ASIC2: variants seen among roughly 807,000 people sequenced by gnomAD.
ASIC2 encodes the protein acid sensing ion channel subunit 2.
ASIC2 carries 25 observed loss-of-function variants against 57.3 expected under a neutral mutation model. That is an observed-to-expected ratio of 0.44 (90% CI 0.32 to 0.61). ASIC2 has a LOEUF of 0.61. Ranked by LOEUF, ASIC2 falls within the 20% of genes least tolerant of loss-of-function variation. ASIC2 has a pLI of 0.06. For missense variants in ASIC2, 641 were observed against 738.1 expected (o/e 0.87, Z 1.52); for synonymous variants, 319 against 307.5 (o/e 1.04, Z -0.39).
At chr17:34,071,529 G>A (rs186753904) in intron 1 of ASIC2, 1 of 152,042 alleles carries the variant, frequency 6.6e-6, no homozygotes, top group Non-Finnish European at 1.5e-5. Flanking sequence ...AGGAAGAAAC[G>A]AATAGAAAAT....
chr17:34,010,722 C>T (rs1442800445), intron 1 of ASIC2, among the ~76,000 whole-genome samples: 2 of 151,398 alleles, frequency 1.3e-5, no homozygotes, highest in Non-Finnish European at 2.9e-5. Flanking sequence ...CACACACAGA[C>T]ATGTACAGAG....
At chr17:33,473,500 C>T (rs1305152574) in intron 1 of ASIC2, among the ~76,000 whole-genome samples, 2 of 152,004 alleles carry the variant, frequency 1.3e-5, no homozygotes, top group South Asian at 2.1e-4. Flanking sequence ...ATGCATCAAG[C>T]AGGAATGAGT....
In ASIC2 at chr17:34,142,671, T is replaced by G. The variant is rs1912304223; in HGVS notation, c.555+13307A>C. Among the ~76,000 whole-genome samples, 3 of 152,228 alleles carry G rather than the reference T, an allele frequency of 2.0e-5. No individual in the cohort carries two copies. In the East Asian group the frequency reaches 5.8e-4, roughly 29 times the overall value. On this transcript the variant is annotated intron_variant, in intron 1 of 9. Coordinates refer to the ASIC2 transcript ENST00000359872. The stretch of plus-strand genomic sequence containing the variant: ...TTTGTCAATTACAGCAAACTTGGGC[T>G]GGACATTCAAAATCAAGTCACTGAT...
At chr17:33,262,911 C>T (rs575388390) in intron 1 of ASIC2, among the ~76,000 whole-genome samples, 11 of 152,214 alleles carry the variant, frequency 7.2e-5, no homozygotes, top group Non-Finnish European at 1.2e-4. Context: ...TTAAGGCTGC[C>T]GTGGAATGAG....
At chr17:34,064,038 T>C (rs1023454770) in intron 1 of ASIC2, among the ~76,000 whole-genome samples, 5 of 152,150 alleles carry the variant, frequency 3.3e-5, no homozygotes, top group African/African-American at 1.2e-4. Flanking sequence ...CTAAAATTCA[T>C]ATAGAACCAA....
chr17:33,144,037 C>A (rs1416581243), intron 1 of ASIC2, among the ~76,000 whole-genome samples: 2 of 152,084 alleles, frequency 1.3e-5, no homozygotes, highest in Admixed American at 1.3e-4. Context: ...AACCAACTCC[C>A]CCTGGGCAAT....
intron 1 of ASIC2, among the ~76,000 whole-genome samples, chr17:33,437,356 A>G (rs568178303): frequency 2.0e-5 from 3 of 152,374 alleles, no homozygotes; most frequent in Admixed American, 6.5e-5. Context: ...TGATAAAACT[A>G]TAAAGAAAAC....
chr17:33,622,628 T>G (rs1178384935), intron 1 of ASIC2, among the ~76,000 whole-genome samples: 1 of 152,202 alleles, frequency 6.6e-6, no homozygotes, highest in Non-Finnish European at 1.5e-5. Flanking sequence ...CTAGGTACAT[T>G]ACTTGTTTAA....
At chr17:34,110,712 G>T (rs1911239821) in intron 1 of ASIC2, among the ~76,000 whole-genome samples, 4 of 152,234 alleles carry the variant, frequency 2.6e-5, no homozygotes. Context: ...AGGTCAGATA[G>T]TGTTTCCTGT....
chr17:34,092,609 A>C (rs563914317), intron 1 of ASIC2, among the ~76,000 whole-genome samples: 2 of 152,320 alleles, frequency 1.3e-5, no homozygotes, highest in East Asian at 3.9e-4. Flanking sequence ...TTCTAGAGGC[A>C]GTAAAGGGAG....
intron 1 of ASIC2, among the ~76,000 whole-genome samples, chr17:33,861,055 C>T (rs927362757): frequency 6.6e-6 from 1 of 152,070 alleles, no homozygotes; most frequent in Non-Finnish European, 1.5e-5. Context: ...GAAAACTATT[C>T]TTTTTTAACA....
intron 1 of ASIC2, among the ~76,000 whole-genome samples, chr17:33,758,612 G>A (rs949693524): frequency 2.6e-5 from 4 of 152,048 alleles, no homozygotes; most frequent in African/African-American, 4.8e-5. Flanking sequence ...ATCCATTCAC[G>A]GATTAATAGA....
chr17:33,520,949 T>C (rs1030250643), intron 1 of ASIC2, among the ~76,000 whole-genome samples: 2 of 152,140 alleles, frequency 1.3e-5, no homozygotes, highest in Admixed American at 6.5e-5. Context: ...TGGAATCATG[T>C]TGGACTACTT....
intron 1 of ASIC2, among the ~76,000 whole-genome samples, chr17:33,765,013 C>A (rs1910893223): frequency 6.6e-6 from 1 of 150,830 alleles, no homozygotes; most frequent in Non-Finnish European, 1.5e-5. Context: ...TGTCAGCACC[C>A]TTGCTCTTCT....
rs1407941529 is a variant in ASIC2, at chr17:33,291,986, C to A, written c.130G>T (p.Gly44Cys). 7.8e-7 allele frequency: 1 copy of A among 1,282,296 alleles called. No homozygotes were observed. Among genetic ancestry groups the A allele is most frequent in the Non-Finnish European group, 9.8e-7 (1 of 1,024,366 alleles). 79.4% of individuals were successfully genotyped at this position (1,282,296 alleles called of 1,614,324 possible). The part of the protein sequence containing the change: ...AAGQPGGGRG[G>C]ERALQGPGVA... ...CCTGGCCCCTGCAGCGCCCGCTCGCCGCCTCTGCCGCCCCCGGGCTGCCCG... is the reference window on the plus strand; with the variant it reads ...CCTGGCCCCTGCAGCGCCCGCTCGCAGCCTCTGCCGCCCCCGGGCTGCCCG... The change falls in exon 1 of 10, where the codon GGC becomes TGC. Residue 44 changes from glycine (G) to cysteine (C), a missense_variant. By Grantham distance (159) the Gly-to-Cys change is radical. This residue lies in a region of ASIC2 where 382 missense variants were observed against 398.0 expected (regional missense o/e 0.96). Transcript: ENST00000225823.
At chr17:34,086,001 A>G (rs1357322748) in intron 1 of ASIC2, among the ~76,000 whole-genome samples, 4 of 151,750 alleles carry the variant, frequency 2.6e-5, no homozygotes, top group Admixed American at 2.0e-4. Flanking sequence ...TCCTGGATTC[A>G]TTAATTTTTT....
chr17:33,875,627 A>G (rs578162904), intron 1 of ASIC2, among the ~76,000 whole-genome samples: 1 of 152,142 alleles, frequency 6.6e-6, no homozygotes, highest in East Asian at 1.9e-4. Flanking sequence ...TGGGCTAGTC[A>G]TTTTCTTGCT....
intron 3 of ASIC2, among the ~76,000 whole-genome samples, chr17:33,044,664 A>G (rs532349022): frequency 1.1e-4 from 16 of 152,346 alleles, no homozygotes; most frequent in South Asian, 4.1e-4. Context: ...CCTGGCCCCA[A>G]TAAACATTTA....
At chr17:33,800,467 C>T (rs1912101134) in intron 1 of ASIC2, among the ~76,000 whole-genome samples, 1 of 152,122 alleles carries the variant, frequency 6.6e-6, no homozygotes, top group Non-Finnish European at 1.5e-5. Context: ...GACACTGATA[C>T]CCTACAGAAG....
Sources: gnomAD v4.1 joint callset for allele counts (sites outside exome capture counted in the v4.1 genomes callset) on GRCh38, gnomAD v4.1.1 for gene constraint, gnomAD v4.1.1 regional missense constraint, MANE v1.5 for transcripts, NCBI Gene and HGNC (gene_info 2026-07-23, HGNC 2026-07-21) for gene names.